The following LYPLAL1 variants were observed in gnomAD, a reference collection of about 807,000 sequenced individuals.
LYPLAL1 encodes lysophospholipase-like protein 1.
LYPLAL1 carries 23 observed loss-of-function variants against 19.7 expected under a neutral mutation model. That is an observed-to-expected ratio of 1.17 (90% CI 0.84 to 1.65). LYPLAL1 has a LOEUF of 1.65. LYPLAL1 is among the 40% of genes most tolerant of loss of function. The probability of loss-of-function intolerance (pLI) is 0.00; values close to 1 mark genes in which losing one functional copy is unlikely to be tolerated. For missense variants in LYPLAL1, 355 were observed against 279.4 expected (o/e 1.27, Z -1.93); for synonymous variants, 119 against 96.3 (o/e 1.24, Z -1.38).
chr1:219,385,115 C>T, the LYPLAL1 span, among the ~76,000 whole-genome samples: 72,260 of 151,864 alleles, frequency 0.48, 17,337 homozygotes, highest in Admixed American at 0.52. Flanking sequence ...CAGAGATCTG[C>T]TGGGGATTTT....
chr1:219,437,088 G>C, the LYPLAL1 span: 6 of 152,332 alleles, frequency 3.9e-5, no homozygotes, highest in African/African-American at 1.4e-4. Flanking sequence ...TAGGTGTTTA[G>C]TGTTATCCTC....
chr1:219,422,731 T>C, the LYPLAL1 span, among the ~76,000 whole-genome samples: 1 of 152,132 alleles, frequency 6.6e-6, no homozygotes, highest in Non-Finnish European at 1.5e-5. Context: ...ATAAAATCGT[T>C]GGTTGGATGC....
chr1:219,403,309 A>G, the LYPLAL1 span, among the ~76,000 whole-genome samples: 4 of 152,246 alleles, frequency 2.6e-5, no homozygotes, highest in East Asian at 7.7e-4. Flanking sequence ...CAACATAGGG[A>G]CCTAAAGGGG....
the LYPLAL1 span, among the ~76,000 whole-genome samples, chr1:219,275,206 C>T: frequency 6.6e-6 from 1 of 152,166 alleles, no homozygotes; most frequent in East Asian, 1.9e-4. Flanking sequence ...ACTGATCTCA[C>T]CCCACAGCAA....
the LYPLAL1 span, among the ~76,000 whole-genome samples, chr1:219,394,438 C>T: frequency 6.6e-6 from 1 of 152,148 alleles, no homozygotes; most frequent in Non-Finnish European, 1.5e-5. Context: ...TCACAAAATT[C>T]TTTCATCTTC....
At chr1:219,174,188 T>C in intron 1 of LYPLAL1, 1 of 1,418,996 alleles carries the variant, frequency 7.0e-7, no homozygotes, top group Non-Finnish European at 9.2e-7. Flanking sequence ...TATCGGGCGG[T>C]CACTGGTCCA....
chr1:219,408,479 G>GA, the LYPLAL1 span, among the ~76,000 whole-genome samples: 2 of 152,054 alleles, frequency 1.3e-5, no homozygotes, highest in African/African-American at 2.4e-5. Flanking sequence ...CAGTGTTAGA[G>GA]AAAAAATGGT....
At chr1:219,306,777 G>GATAGATAC in the LYPLAL1 span, among the ~76,000 whole-genome samples, 1 of 151,082 alleles carries the variant, frequency 6.6e-6, no homozygotes, top group Non-Finnish European at 1.5e-5. Context: ...TAGATAGATA[G>GATAGATAC]ATAGATAGAT....
At chr1:219,299,713 G>A in the LYPLAL1 span, among the ~76,000 whole-genome samples, 1 of 152,172 alleles carries the variant, frequency 6.6e-6, no homozygotes, top group African/African-American at 2.4e-5. Context: ...GTTTAGATGG[G>A]AAAACATGAA....
At chr1:219,381,792 C>T in the LYPLAL1 span, among the ~76,000 whole-genome samples, 1 of 152,170 alleles carries the variant, frequency 6.6e-6, no homozygotes, top group African/African-American at 2.4e-5. Flanking sequence ...TGATCATGTG[C>T]TGATACTAAA....
the LYPLAL1 span, among the ~76,000 whole-genome samples, chr1:219,221,571 A>G: frequency 6.6e-6 from 1 of 152,196 alleles, no homozygotes; most frequent in African/African-American, 2.4e-5. Flanking sequence ...GAACCCACCG[A>G]ATAGTAAACT....
the LYPLAL1 span, among the ~76,000 whole-genome samples, chr1:219,228,469 C>A: frequency 3.3e-5 from 5 of 150,100 alleles, no homozygotes; most frequent in Non-Finnish European, 7.5e-5. Context: ...AAAACGTTCC[C>A]CTTAAATGTT....
In LYPLAL1 at chr1:219,211,836, A is replaced by T; in HGVS notation, c.*108A>T. 1 of 704,740 alleles carries T rather than the reference A, an allele frequency of 1.4e-6. No individual in the cohort carries two copies. The allele number at this position is 704,740 out of a possible 1,614,324, so 43.7% of individuals were successfully genotyped here. ...AATATTAAGAAATAACACTTTCCTG[A>T]CTTTTTTATTATTAAAATGCTTATC... On this transcript the variant is annotated 3_prime_UTR_variant, in exon 5 of 5. Transcript: ENST00000366928.
Position 219,211,970 on chromosome 1 carries a change from CTT to C in LYPLAL1, c.*245_*246del, listed in dbSNP as rs558626165. On this transcript the variant is annotated 3_prime_UTR_variant, in exon 5 of 5. Coordinates refer to ENST00000366928, the MANE Select transcript of LYPLAL1 (RefSeq NM_138794.5). ...TTTGGAAACCTTTTAAGTATTTAAACTTTTAAATTTTTGAAATAAAGTATTCT... is the reference window on the plus strand; with the variant it reads ...TTTGGAAACCTTTTAAGTATTTAAACTTAAATTTTTGAAATAAAGTATTCT... 1.9e-3 allele frequency: 561 copies of C among 299,210 alleles called. 3 individuals carry two copies. Among genetic ancestry groups the C allele is most frequent in the Non-Finnish European group, 3.1e-3 (502 of 164,200 alleles). The allele number at this position is 299,210 out of a possible 1,614,324, so 18.5% of individuals were successfully genotyped here.
the LYPLAL1 span, among the ~76,000 whole-genome samples, chr1:219,255,703 C>T: frequency 6.6e-6 from 1 of 151,854 alleles, no homozygotes; most frequent in Admixed American, 6.6e-5. Context: ...TTTAATAAAT[C>T]ACCATTAAAT....
chr1:219,234,338 A>G, the LYPLAL1 span, among the ~76,000 whole-genome samples: 1 of 152,194 alleles, frequency 6.6e-6, no homozygotes, highest in African/African-American at 2.4e-5. Context: ...TACTTAATGA[A>G]TGTAACTCTT....
the LYPLAL1 span, among the ~76,000 whole-genome samples, chr1:219,347,401 G>A: frequency 6.6e-6 from 1 of 152,168 alleles, no homozygotes; most frequent in Non-Finnish European, 1.5e-5. Context: ...TACAAGAACT[G>A]TTTAAGTCAG....
chr1:219,273,057 T>G, the LYPLAL1 span: 1 of 152,104 alleles, frequency 6.6e-6, no homozygotes, highest in Non-Finnish European at 1.5e-5. Context: ...ACTCAATATA[T>G]AGAGAATATC....
chr1:219,220,696 C>A, the LYPLAL1 span, among the ~76,000 whole-genome samples: 4 of 151,976 alleles, frequency 2.6e-5, no homozygotes, highest in African/African-American at 9.7e-5. Context: ...AGGAGAACGC[C>A]CAACATTAAA....
Sources: allele counts gnomAD v4.1 joint callset (sites outside exome capture counted in the v4.1 genomes callset), GRCh38; gene constraint gnomAD v4.1.1; transcripts MANE v1.5; gene names NCBI Gene and HGNC (gene_info 2026-07-23, HGNC 2026-07-21).